Variants in STARD13 observed in about 807,000 individuals in gnomAD.
STARD13 encodes stAR-related lipid transfer protein 13.
A neutral mutation model predicts 106.4 loss-of-function variants in STARD13; 62 were observed. That is an observed-to-expected ratio of 0.58 (90% CI 0.48 to 0.72). STARD13 has a LOEUF of 0.72. Ranked by LOEUF, STARD13 falls within the 30% of genes least tolerant of loss-of-function variation. The pLI is 0.00. For synonymous variants in STARD13, 565 were observed against 553.0 expected (o/e 1.02, Z -0.31); for missense variants, 1,387 against 1,424.0 (o/e 0.97, Z 0.42).
At chr13:33,472,500 G>A in the STARD13 span, among the ~76,000 whole-genome samples, 1 of 152,084 alleles carries the variant, frequency 6.6e-6, no homozygotes, top group East Asian at 1.9e-4. Flanking sequence ...GAGCTCTACC[G>A]ACTAGGTTCC....
In STARD13 at chr13:33,190,671, C is replaced by A. The variant is rs149710713; in HGVS notation, c.170-23049G>T. ...GCACAATCTTGGCTCACTGCAACCTCCGCCTCCAGGGTTCAAGCGATTCTT... is the reference window on the plus strand; with the variant it reads ...GCACAATCTTGGCTCACTGCAACCTACGCCTCCAGGGTTCAAGCGATTCTT... On this transcript the variant is annotated intron_variant, in intron 1 of 13. Transcript: ENST00000336934. Among the ~76,000 whole-genome samples the A allele has an allele frequency of 2.9e-3, 433 of 151,634 alleles. 14 individuals carry two copies. The highest frequency in any genetic ancestry group is 0.025 in the Admixed American group (382 of 15,242).
Position 33,129,892 on chromosome 13 carries a change from C to T in STARD13, c.785G>A (p.Arg262His), listed in dbSNP as rs141345830. 9.3e-6 allele frequency: 15 copies of T among 1,613,010 alleles called. No individual in the cohort carries two copies. Among genetic ancestry groups the T allele is most frequent in the Admixed American group, 8.3e-5 (5 of 60,000 alleles). ...TRARAKSFLKRMETLRGKGAH... is the reference protein window; with the variant it reads ...TRARAKSFLKHMETLRGKGAH... Reference sequence around the variant, plus strand: ...TCCCTTCCCTCGGAGTGTTTCCATGCGTTTCAAAAATGATTTGGCCCTAGC... The same window carrying T: ...TCCCTTCCCTCGGAGTGTTTCCATGTGTTTCAAAAATGATTTGGCCCTAGC... Residue 262 changes from arginine (R) to histidine (H), a missense_variant, in exon 5 of 14, where the codon CGC (arginine) becomes CAC (histidine). Arg to His is a conservative substitution (Grantham distance 29). Transcript: ENST00000336934.
intron 1 of STARD13, among the ~76,000 whole-genome samples, chr13:33,265,011 G>T (rs1303519864): frequency 6.6e-6 from 1 of 152,198 alleles, no homozygotes; most frequent in South Asian, 2.1e-4. Flanking sequence ...GTGTGCAGGG[G>T]TGCTAATGAG....
chr13:33,435,863 G>A, the STARD13 span, among the ~76,000 whole-genome samples: 5 of 152,006 alleles, frequency 3.3e-5, no homozygotes, highest in African/African-American at 9.7e-5. Flanking sequence ...AAATCTCTTC[G>A]GCTCAGATAT....
chr13:33,427,726 C>A, the STARD13 span, among the ~76,000 whole-genome samples: 152 of 152,160 alleles, frequency 1.0e-3, 1 homozygote, highest in Non-Finnish European at 2.2e-4. Context: ...GAGGCCGAGG[C>A]GGGCGGATCA....
At chr13:33,458,815 C>CTTTT in the STARD13 span, among the ~76,000 whole-genome samples, 4 of 113,500 alleles carry the variant, frequency 3.5e-5, no homozygotes, top group African/African-American at 7.0e-5. Flanking sequence ...AACATGTTTA[C>CTTTT]TTTTTTTTTT....
the STARD13 span, among the ~76,000 whole-genome samples, chr13:33,499,606 T>TTCTTCTTCTTCCTC: frequency 7.0e-5 from 4 of 56,744 alleles, no homozygotes; most frequent in Non-Finnish European, 1.4e-4. Flanking sequence ...TCTTCTTCTT[T>TTCTTCTTCTTCCTC]CTTCTTCTTC....
the STARD13 span, among the ~76,000 whole-genome samples, chr13:33,632,279 T>C: frequency 1.3e-5 from 2 of 152,342 alleles, no homozygotes; most frequent in African/African-American, 2.4e-5. Flanking sequence ...TGGAAAATGT[T>C]CCGGTACATT....
At chr13:33,305,552 C>T (rs1347591634) in intron 1 of STARD13, among the ~76,000 whole-genome samples, 1 of 152,206 alleles carries the variant, frequency 6.6e-6, no homozygotes, top group Non-Finnish European at 1.5e-5. Context: ...ACTCTCCCTG[C>T]ATGGAGTAGA....
the STARD13 span, among the ~76,000 whole-genome samples, chr13:33,628,498 C>T: frequency 1.3e-5 from 2 of 152,170 alleles, no homozygotes; most frequent in Admixed American, 6.5e-5. Context: ...AAGTAACTAG[C>T]TTTGGCTTCA....
intron 1 of STARD13, among the ~76,000 whole-genome samples, chr13:33,212,541 G>T (rs1026706880): frequency 1.3e-5 from 2 of 152,180 alleles, no homozygotes; most frequent in Non-Finnish European, 2.9e-5. Flanking sequence ...GGGTCCTGCA[G>T]GCAGGTGTGG....
At chr13:33,182,210 C>T (rs894515942) in intron 1 of STARD13, among the ~76,000 whole-genome samples, 1 of 152,132 alleles carries the variant, frequency 6.6e-6, no homozygotes, top group Non-Finnish European at 1.5e-5. Context: ...TCTATGCTTT[C>T]CTATTCAGAA....
intron 1 of STARD13, among the ~76,000 whole-genome samples, chr13:33,342,447 TA>T (rs1162147079): frequency 2.0e-5 from 3 of 152,142 alleles, no homozygotes; most frequent in South Asian, 2.1e-4. Context: ...GTATTTTCCT[TA>T]AAAAAAGTTT....
chr13:33,668,299 C>T, the STARD13 span, among the ~76,000 whole-genome samples: 1 of 152,072 alleles, frequency 6.6e-6, no homozygotes, highest in East Asian at 1.9e-4. Context: ...TAGGAAAAAT[C>T]GAACTGCTAA....
chr13:33,617,448 A>G, the STARD13 span, among the ~76,000 whole-genome samples: 9 of 152,340 alleles, frequency 5.9e-5, no homozygotes, highest in East Asian at 1.7e-3. Flanking sequence ...TATATTCAGG[A>G]AACATTACAC....
chr13:33,447,876 A>G, the STARD13 span, among the ~76,000 whole-genome samples: 5 of 152,184 alleles, frequency 3.3e-5, no homozygotes, highest in Admixed American at 1.3e-4. Context: ...TATAAACACC[A>G]TTAGAAAGCA....
the STARD13 span, among the ~76,000 whole-genome samples, chr13:33,583,229 A>T: frequency 1.3e-5 from 2 of 152,228 alleles, no homozygotes; most frequent in Non-Finnish European, 2.9e-5. Context: ...AAACTCAGTG[A>T]TAGTCACAGG....
the STARD13 span, among the ~76,000 whole-genome samples, chr13:33,634,532 GTTATTAGAT>G: frequency 6.6e-6 from 1 of 152,100 alleles, no homozygotes; most frequent in Non-Finnish European, 1.5e-5. Flanking sequence ...TTTTGCAGAA[GTTATTAGAT>G]TTGAATAGAT....
the STARD13 span, among the ~76,000 whole-genome samples, chr13:33,485,435 T>TAA: frequency 0.015 from 2,197 of 151,176 alleles, 58 homozygotes; most frequent in African/African-American, 0.048. Flanking sequence ...CCCTCAAACT[T>TAA]AAAAAAAAAT....
Sources: allele counts gnomAD v4.1 joint callset (sites outside exome capture counted in the v4.1 genomes callset), GRCh38; gene constraint gnomAD v4.1.1; transcripts MANE v1.5; gene names NCBI Gene and HGNC (gene_info 2026-07-23, HGNC 2026-07-21).